Variants in UNC5D observed in about 807,000 individuals in gnomAD.
The protein encoded by UNC5D is netrin receptor UNC5D.
UNC5D carries 39 observed loss-of-function variants against 105.4 expected under a neutral mutation model. The observed-to-expected ratio is 0.37, with a 90% confidence interval of 0.29 to 0.48. The LOEUF is 0.48. Among genes scored for constraint, UNC5D ranks in the 20% least tolerant of loss-of-function variants. UNC5D has a pLI of 0.98. For missense variants in UNC5D, 991 were observed against 1,202.4 expected (o/e 0.82, Z 2.60); for synonymous variants, 452 against 450.4 (o/e 1.00, Z -0.04).
At chr8:35,541,954 G>A (rs1815306535) in intron 1 of UNC5D, among the ~76,000 whole-genome samples, 2 of 151,928 alleles carry the variant, frequency 1.3e-5, no homozygotes, top group South Asian at 4.2e-4. Context: ...ACTAAGAATG[G>A]CTCTTTGATT....
At position 35,549,349 on chromosome 8, in the gene UNC5D, C is replaced by T. The variant is rs1196246337; in HGVS notation, c.161C>T (p.Pro54Leu). Reference protein sequence around the residue: ...ESIPSAPGTLPHFIEEPDDAY... With the variant: ...ESIPSAPGTLLHFIEEPDDAY... Reference sequence around the variant, plus strand: ...ATCCCATCAGCTCCTGGGACACTGCCTCATTTCATAGAGGAGCCAGATGAT... The same window carrying T: ...ATCCCATCAGCTCCTGGGACACTGCTTCATTTCATAGAGGAGCCAGATGAT... Residue 54 changes from proline (P) to leucine (L), a missense_variant, in exon 2 of 17, where the codon CCT (proline) becomes CTT (leucine). By Grantham distance (98) the Pro-to-Leu change is moderately conservative. Around this residue, in one of 3 missense-constraint regions of UNC5D, gnomAD observed 944 missense variants for 1,131.6 expected, o/e 0.83. Transcript: ENST00000404895. 6.2e-7 allele frequency: 1 copy of T among 1,613,440 alleles called. No individual in the cohort carries two copies. Among genetic ancestry groups the T allele is most frequent in the African/African-American group, 1.3e-5 (1 of 74,932 alleles).
At chr8:35,590,439 A>AT (rs955312489) in intron 3 of UNC5D, among the ~76,000 whole-genome samples, 1 of 151,714 alleles carries the variant, frequency 6.6e-6, no homozygotes, top group African/African-American at 2.4e-5. Context: ...ATCTAGTTTT[A>AT]TTTTTTTTCT....
chr8:35,295,648 T>C (rs887794762), intron 1 of UNC5D, among the ~76,000 whole-genome samples: 2 of 152,188 alleles, frequency 1.3e-5, no homozygotes, highest in Non-Finnish European at 2.9e-5. Context: ...AGTTAATACA[T>C]CCATCACCTT....
At chr8:35,516,130 C>T (rs548175642) in intron 1 of UNC5D, among the ~76,000 whole-genome samples, 2 of 152,244 alleles carry the variant, frequency 1.3e-5, no homozygotes, top group East Asian at 3.9e-4. Flanking sequence ...AGCACAAATT[C>T]CACTTTCTTG....
At chr8:35,660,803 G>T (rs1014782749) in intron 4 of UNC5D, among the ~76,000 whole-genome samples, 4 of 152,120 alleles carry the variant, frequency 2.6e-5, no homozygotes, top group African/African-American at 9.7e-5. Flanking sequence ...AACTCTACTG[G>T]GTTCTAATTG....
At chr8:35,705,887 T>G (rs923340029) in intron 7 of UNC5D, 42 bp from the exon 8 acceptor site, 1 of 1,260,438 alleles carries the variant, frequency 7.9e-7, no homozygotes, top group African/African-American at 1.5e-5. Flanking sequence ...CCATGTAAAT[T>G]TATTAAATGC....
At chr8:35,687,604 A>G (rs1477860219) in intron 7 of UNC5D, among the ~76,000 whole-genome samples, 2 of 152,140 alleles carry the variant, frequency 1.3e-5, no homozygotes, top group African/African-American at 2.4e-5. Context: ...ACCATCACCA[A>G]GGGACTGCCT....
chr8:35,378,299 T>C (rs542462720), intron 1 of UNC5D, among the ~76,000 whole-genome samples: 1 of 152,224 alleles, frequency 6.6e-6, no homozygotes, highest in Non-Finnish European at 1.5e-5. Flanking sequence ...ATTCATTTTT[T>C]ACTTAGTGTC....
chr8:35,340,873 C>A (rs1008920292), intron 1 of UNC5D, among the ~76,000 whole-genome samples: 1 of 152,102 alleles, frequency 6.6e-6, no homozygotes, highest in African/African-American at 2.4e-5. Context: ...AAAATCTATT[C>A]TTCTGACATT....
chr8:35,742,362 A>T (rs1014617214), intron 11 of UNC5D, among the ~76,000 whole-genome samples: 4 of 152,262 alleles, frequency 2.6e-5, no homozygotes, highest in African/African-American at 9.6e-5. Flanking sequence ...ATGAAAAATG[A>T]ATAATAATAG....
chr8:35,611,172 G>A (rs1820656766), intron 4 of UNC5D, among the ~76,000 whole-genome samples: 1 of 152,006 alleles, frequency 6.6e-6, no homozygotes, highest in African/African-American at 2.4e-5. Flanking sequence ...TTATGTTTGG[G>A]GAACCAGACT....
intron 1 of UNC5D, among the ~76,000 whole-genome samples, chr8:35,482,331 T>C (rs1172317272): frequency 1.3e-5 from 2 of 152,188 alleles, no homozygotes; most frequent in Non-Finnish European, 1.5e-5. Context: ...GGTATTACTA[T>C]TGATAAACTT....
At chr8:35,525,838 A>C in intron 1 of UNC5D, 1 of 1,364,696 alleles carries the variant, frequency 7.3e-7, no homozygotes, top group South Asian at 1.5e-5. Flanking sequence ...GTGTTACTTC[A>C]AAGGCATTTA....
chr8:35,398,214 G>A (rs1465960451), intron 1 of UNC5D, among the ~76,000 whole-genome samples: 1 of 152,146 alleles, frequency 6.6e-6, no homozygotes, highest in Non-Finnish European at 1.5e-5. Flanking sequence ...TTCAACAACT[G>A]TAACCTGGGA....
intron 10 of UNC5D, among the ~76,000 whole-genome samples, chr8:35,728,780 A>G (rs1019412178): frequency 6.6e-6 from 1 of 152,248 alleles, no homozygotes; most frequent in Non-Finnish European, 1.5e-5. Flanking sequence ...TATTCCAAAT[A>G]TAAAACAGGA....
At chr8:35,386,115 T>C (rs1428264199) in intron 1 of UNC5D, among the ~76,000 whole-genome samples, 1 of 152,250 alleles carries the variant, frequency 6.6e-6, no homozygotes, top group Non-Finnish European at 1.5e-5. Flanking sequence ...TTTAATCTTT[T>C]ATTTTTTATT....
At chr8:35,675,676 G>A (rs562843492) in intron 4 of UNC5D, among the ~76,000 whole-genome samples, 1 of 152,098 alleles carries the variant, frequency 6.6e-6, no homozygotes, top group East Asian at 1.9e-4. Flanking sequence ...GTCCAGTCTA[G>A]AATTCAAAGG....
chr8:35,782,020 C>T (rs1802524382), intron 16 of UNC5D, among the ~76,000 whole-genome samples: 1 of 152,198 alleles, frequency 6.6e-6, no homozygotes, highest in Non-Finnish European at 1.5e-5. Context: ...GTGCCCATGT[C>T]CTTCCCTTTC....
chr8:35,398,708 G>A (rs1159791433), intron 1 of UNC5D, among the ~76,000 whole-genome samples: 1 of 152,098 alleles, frequency 6.6e-6, no homozygotes, highest in Non-Finnish European at 1.5e-5. Context: ...GTGGTGGACT[G>A]TTTAGTGGTG....
Sources: allele counts gnomAD v4.1 joint callset (sites outside exome capture counted in the v4.1 genomes callset), GRCh38; gene constraint gnomAD v4.1.1; regional missense constraint gnomAD v4.1.1; transcripts MANE v1.5; gene names NCBI Gene and HGNC (gene_info 2026-07-23, HGNC 2026-07-21).